KBTBD11: variants seen among roughly 807,000 people sequenced by gnomAD.
The protein encoded by KBTBD11 is kelch repeat and BTB domain containing 11, also known as kelch repeat and BTB domain-containing protein 11.
For missense variants in KBTBD11, 1,390 were observed against 1,001.8 expected, an observed-to-expected ratio of 1.39 and a Z score of -5.23; for synonymous variants, 747 against 499.0, an observed-to-expected ratio of 1.50 and a Z score of -6.63.
In KBTBD11 at chr8:2,003,213, GGGCCGCTTTCGCT is replaced by G; in HGVS notation, c.*150_*162del. ...CGAAGGAGCCCCGAGGACGCTCTCA[GGGCCGCTTTCGCT>G]TTGCTTTCCTTTTGCTTGTCTTTGC... On this transcript the variant is annotated 3_prime_UTR_variant, in exon 2 of 2. Coordinates refer to ENST00000320248, the MANE Select transcript of KBTBD11 (RefSeq NM_014867.3). The G allele has an allele frequency of 8.4e-7, 1 of 1,189,530 alleles. No individual in the cohort carries two copies. The highest frequency in any genetic ancestry group is 1.1e-6 in the Non-Finnish European group (1 of 937,428). The allele number at this position is 1,189,530 out of a possible 1,614,324, so 73.7% of individuals were successfully genotyped here.
At chr8:1,989,401 C>A (rs530411190) in intron 1 of KBTBD11, among the ~76,000 whole-genome samples, 3 of 152,144 alleles carry the variant, frequency 2.0e-5, no homozygotes, top group Non-Finnish European at 2.9e-5. Flanking sequence ...CGAGGACAGG[C>A]GCCAGCGGCT....
intron 1 of KBTBD11, among the ~76,000 whole-genome samples, chr8:1,997,507 C>T (rs1399506237): frequency 6.6e-6 from 1 of 152,208 alleles, no homozygotes; most frequent in African/African-American, 2.4e-5. Context: ...GACACCACGT[C>T]CATTCTGCAG....
In KBTBD11 at chr8:2,003,136, AGGACGTG is replaced by A; in HGVS notation, c.*74_*80del. On this transcript the variant is annotated 3_prime_UTR_variant, in exon 2 of 2. Coordinates refer to ENST00000320248, the MANE Select transcript of KBTBD11 (RefSeq NM_014867.3). ...CCAGGTCCCTTTGGGCCCGCGGAGGAGGACGTGGTGGGGAGTCGGGGCCGCTGGCCAC... is the reference window on the plus strand; with the variant it reads ...CCAGGTCCCTTTGGGCCCGCGGAGGAGTGGGGAGTCGGGGCCGCTGGCCAC... The A allele has an allele frequency of 1.6e-6, 2 of 1,248,700 alleles. No individual in the cohort carries two copies. Among genetic ancestry groups the A allele is most frequent in the South Asian group, 7.7e-5 (2 of 26,062 alleles). The allele number at this position is 1,248,700 out of a possible 1,614,324, so 77.4% of individuals were successfully genotyped here. A position where few individuals can be genotyped will look rare whatever the true frequency, so the allele number is the denominator to read the frequency against.
intron 1 of KBTBD11, among the ~76,000 whole-genome samples, chr8:1,994,009 C>T (rs190153399): frequency 6.6e-6 from 1 of 151,858 alleles, no homozygotes; most frequent in East Asian, 1.9e-4. Context: ...TCCATGAGCT[C>T]GTGCAGTAGG....
At chr8:1,980,516 C>T (rs934284067) in intron 1 of KBTBD11, among the ~76,000 whole-genome samples, 1 of 152,250 alleles carries the variant, frequency 6.6e-6, no homozygotes, top group Non-Finnish European at 1.5e-5. Context: ...TGAGCCACCA[C>T]ACCCAGCCTT....
intron 1 of KBTBD11, among the ~76,000 whole-genome samples, chr8:1,982,440 C>A (rs1036560324): frequency 3.9e-5 from 6 of 152,090 alleles, no homozygotes. Context: ...TTCAGTTCTC[C>A]AATCAAGAGA....
Position 2,002,493 on chromosome 8 carries a change from G to A in KBTBD11, c.1301G>A (p.Arg434His). The change falls in exon 2 of 2, where the codon CGC becomes CAC. Residue 434 changes from arginine (R) to histidine (H), a missense_variant. Physicochemically the swap from Arg to His is conservative, Grantham distance 29. Transcript: ENST00000320248. This position sits in a 1 kb window ranked among gnomAD's most constrained non-coding sequence, Gnocchi z 4.1. ...SVERYDPRAD[R>H]WAPVAPLPRG... Reference sequence around the variant, plus strand: ...GAGCGCTACGACCCGCGCGCCGACCGCTGGGCCCCCGTGGCGCCGCTGCCC... The same window carrying A: ...GAGCGCTACGACCCGCGCGCCGACCACTGGGCCCCCGTGGCGCCGCTGCCC... 4.6e-6 allele frequency: 7 copies of A among 1,509,076 alleles called. No individual in the cohort carries two copies. In the South Asian group the frequency reaches 7.4e-5, roughly 16 times the overall value. The allele number at this position is 1,509,076 out of a possible 1,614,324, so 93.5% of individuals were successfully genotyped here. A position where few individuals can be genotyped will look rare whatever the true frequency, so the allele number is the denominator to read the frequency against.
Position 2,000,489 on chromosome 8 carries a change from C to T in KBTBD11, c.-704C>T, listed in dbSNP as rs2129315915. On this transcript the variant is annotated 5_prime_UTR_variant, in exon 2 of 2. Coordinates refer to ENST00000320248, the MANE Select transcript of KBTBD11 (RefSeq NM_014867.3). Reference sequence around the variant, plus strand: ...ACGGGGAGAGCTCCTGAGACCAGCACACAGGACCAGTGTCCTCCCCGTGAC... The same window carrying T: ...ACGGGGAGAGCTCCTGAGACCAGCATACAGGACCAGTGTCCTCCCCGTGAC... 6.6e-6 allele frequency: 1 copy of T among 152,124 alleles called. No individual in the cohort carries two copies. The highest frequency in any genetic ancestry group is 2.1e-4 in the South Asian group (1 of 4,824). The allele number at this position is 152,124 out of a possible 1,614,324, so 9.4% of individuals were successfully genotyped here.
Position 2,002,018 on chromosome 8 carries a change from C to G in KBTBD11, c.826C>G (p.Leu276Val). 2.1e-6 allele frequency: 3 copies of G among 1,403,748 alleles called. No homozygotes were observed. Among genetic ancestry groups the G allele is most frequent in the Non-Finnish European group, 2.8e-6 (3 of 1,067,798 alleles). The allele number at this position is 1,403,748 out of a possible 1,614,324, so 87.0% of individuals were successfully genotyped here. A position where few individuals can be genotyped will look rare whatever the true frequency, so the allele number is the denominator to read the frequency against. The change falls in exon 2 of 2, where the codon CTG becomes GTG. Residue 276 changes from leucine to valine, a missense_variant. Coordinates refer to ENST00000320248, the MANE Select transcript of KBTBD11 (RefSeq NM_014867.3). This position sits in a 1 kb window ranked among gnomAD's most constrained non-coding sequence, Gnocchi z 4.1. The stretch of plus-strand genomic sequence containing the variant: ...GCGCGAGCCCGCCGTGTTCGGCCGC[C>G]TGTCGGGCGCAGAGCGGGACCTGCT... ...VLREPAVFGR[L>V]SGAERDLLLR...
chr8:2,001,962 G>A lies in KBTBD11; in HGVS notation c.770G>A (p.Cys257Tyr). 6.8e-7 allele frequency: 1 copy of A among 1,472,760 alleles called. No homozygotes were observed. The highest frequency in any genetic ancestry group is 9.0e-7 in the Non-Finnish European group (1 of 1,109,034). The allele number at this position is 1,472,760 out of a possible 1,614,324, so 91.2% of individuals were successfully genotyped here. A position where few individuals can be genotyped will look rare whatever the true frequency, so the allele number is the denominator to read the frequency against. ...RLNELRDAAYCFMSDHYLEVL... is the reference protein window; with the variant it reads ...RLNELRDAAYYFMSDHYLEVL... ...AACGAGCTGCGCGACGCCGCCTACT[G>A]CTTCATGAGCGACCACTATCTGGAG... is the stretch of plus-strand genomic sequence containing the variant. Residue 257 changes from cysteine to tyrosine, a missense_variant, in exon 2 of 2, where the codon TGC becomes TAC. By Grantham distance (194) the Cys-to-Tyr change is radical (BLOSUM62 -2). Transcript: ENST00000320248.
At chr8:1,985,884 T>G (rs1299880071) in intron 1 of KBTBD11, among the ~76,000 whole-genome samples, 1 of 152,242 alleles carries the variant, frequency 6.6e-6, no homozygotes. Flanking sequence ...AAAGAACGAA[T>G]GATAACATCA....
chr8:1,982,566 A>G (rs1475513437), intron 1 of KBTBD11, among the ~76,000 whole-genome samples: 1 of 152,086 alleles, frequency 6.6e-6, no homozygotes, highest in African/African-American at 2.4e-5. Flanking sequence ...GGGAACAGAT[A>G]CTCCACGCAA....
Position 2,005,910 on chromosome 8 carries a change from T to A in KBTBD11, c.*2846T>A, listed in dbSNP as rs1454715790. 2.4e-5 allele frequency: 4 copies of A among 167,104 alleles called. No individual in the cohort carries two copies. Among genetic ancestry groups the A allele is most frequent in the Non-Finnish European group, 5.9e-5 (4 of 68,120 alleles). The allele number at this position is 167,104 out of a possible 1,614,324, so 10.4% of individuals were successfully genotyped here. A position where few individuals can be genotyped will look rare whatever the true frequency, so the allele number is the denominator to read the frequency against. ...TCTGTATTGCCAATCAAGGTTCATTTGAGATGCAGAGGAATGAGCTTGAGC... is the reference window on the plus strand; with the variant it reads ...TCTGTATTGCCAATCAAGGTTCATTAGAGATGCAGAGGAATGAGCTTGAGC... On this transcript the variant is annotated 3_prime_UTR_variant, in exon 2 of 2. Transcript: ENST00000320248.
Position 2,001,227 on chromosome 8 carries a change from C to G in KBTBD11, c.35C>G (p.Pro12Arg), listed in dbSNP as rs1243339980. 4.1e-6 allele frequency: 6 copies of G among 1,468,104 alleles called. No homozygotes were observed. The highest frequency in any genetic ancestry group is 5.4e-6 in the Non-Finnish European group (6 of 1,112,262). 90.9% of individuals were successfully genotyped at this position (1,468,104 alleles called of 1,614,324 possible). A position where few individuals can be genotyped will look rare whatever the true frequency, so the allele number is the denominator to read the frequency against. ...EHAVAPCVLY[P>R]GTEPGAAGES... The stretch of plus-strand genomic sequence containing the variant: ...GCGGTGGCCCCCTGCGTCCTCTACC[C>G]AGGGACTGAGCCCGGGGCTGCCGGG... The change falls in exon 2 of 2, where the codon CCA becomes CGA. Residue 12 changes from proline to arginine, a missense_variant. Physicochemically the swap from Pro to Arg is moderately radical, Grantham distance 103 (BLOSUM62 -2). Coordinates refer to ENST00000320248, the MANE Select transcript of KBTBD11 (RefSeq NM_014867.3).
At chr8:1,987,332 C>G (rs1056841773) in intron 1 of KBTBD11, among the ~76,000 whole-genome samples, 1 of 152,140 alleles carries the variant, frequency 6.6e-6, no homozygotes, top group Non-Finnish European at 1.5e-5. Flanking sequence ...AGATCTAGGT[C>G]ATTTATTTGA....
chr8:2,001,524 G>A lies in KBTBD11; in HGVS notation c.332G>A (p.Arg111His). The A allele has an allele frequency of 7.0e-7, 1 of 1,421,142 alleles. No individual in the cohort carries two copies. 88.0% of individuals were successfully genotyped at this position (1,421,142 alleles called of 1,614,324 possible). A position where few individuals can be genotyped will look rare whatever the true frequency, so the allele number is the denominator to read the frequency against. The part of the protein sequence containing the change: ...EEPAAPSPEP[R>H]VWLEDPASPE... ...CCCGCGGCGCCGTCCCCCGAACCGC[G>A]CGTTTGGCTTGAGGACCCCGCGTCC... The change falls in exon 2 of 2, where the codon CGC becomes CAC. Residue 111 changes from arginine to histidine, a missense_variant. Physicochemically the swap from Arg to His is conservative, Grantham distance 29. Coordinates refer to ENST00000320248, the MANE Select transcript of KBTBD11 (RefSeq NM_014867.3).
chr8:1,991,570 C>A (rs764333237), intron 1 of KBTBD11, among the ~76,000 whole-genome samples: 1 of 152,312 alleles, frequency 6.6e-6, no homozygotes, highest in Admixed American at 6.5e-5. Context: ...AGGGCCCTTG[C>A]TCCTGCATCA....
chr8:2,001,452 C>T lies in KBTBD11; in HGVS notation c.260C>T (p.Ser87Phe). Reference sequence around the variant, plus strand: ...GAGGCCGGCAGCGCGGGCGCCGCGTCCCCGGAGGAGCTCGCGTCCCCTGAG... The same window carrying T: ...GAGGCCGGCAGCGCGGGCGCCGCGTTCCCGGAGGAGCTCGCGTCCCCTGAG... ...QWEAGSAGAA[S>F]PEELASPEER... The change falls in exon 2 of 2, where the codon TCC becomes TTC. Residue 87 changes from serine to phenylalanine, a missense_variant. Coordinates refer to ENST00000320248, the MANE Select transcript of KBTBD11 (RefSeq NM_014867.3). 3.7e-6 allele frequency: 5 copies of T among 1,360,894 alleles called. No individual in the cohort carries two copies. Among genetic ancestry groups the T allele is most frequent in the Non-Finnish European group, 4.7e-6 (5 of 1,065,482 alleles). The allele number at this position is 1,360,894 out of a possible 1,614,324, so 84.3% of individuals were successfully genotyped here.
chr8:1,978,525 G>T (rs1816428340), intron 1 of KBTBD11, among the ~76,000 whole-genome samples: 1 of 152,210 alleles, frequency 6.6e-6, no homozygotes, highest in South Asian at 2.1e-4. Flanking sequence ...TGATGCAGTG[G>T]ACTCCCTGTG....
Sources: gnomAD v4.1 joint callset for allele counts (sites outside exome capture counted in the v4.1 genomes callset) on GRCh38, gnomAD v4.1.1 for gene constraint, Gnocchi (gnomAD v3.1) non-coding constraint, MANE v1.5 for transcripts, NCBI Gene and HGNC (gene_info 2026-07-23, HGNC 2026-07-21) for gene names.